The following SLC25A21 variants were observed in gnomAD, a reference collection of about 807,000 sequenced individuals.
SLC25A21 encodes solute carrier family 25 member 21, also known as mitochondrial 2-oxodicarboxylate carrier.
A neutral mutation model predicts 43.8 loss-of-function variants in SLC25A21; 47 were observed. The observed-to-expected ratio is 1.07, with a 90% CI of 0.85 to 1.37. The LOEUF is 1.37. Ranked by LOEUF, SLC25A21 falls within the 40% of genes most tolerant of loss-of-function variation. SLC25A21 has a pLI of 0.00. For missense variants in SLC25A21, 352 were observed against 350.2 expected, an observed-to-expected ratio of 1.00 and a Z score of -0.04; for synonymous variants, 131 against 121.3, an observed-to-expected ratio of 1.08 and a Z score of -0.52.
intron 1 of SLC25A21, among the ~76,000 whole-genome samples, chr14:36,937,878 T>C (rs1489875382): frequency 6.6e-6 from 1 of 152,176 alleles, no homozygotes; most frequent in African/African-American, 2.4e-5. Context: ...TGATTCAGTC[T>C]GTATTGGAAA....
chr14:37,056,206 C>G (rs1961821711), intron 1 of SLC25A21, among the ~76,000 whole-genome samples: 1 of 152,146 alleles, frequency 6.6e-6, no homozygotes, highest in South Asian at 2.1e-4. Flanking sequence ...ATTACCTAGT[C>G]TCGGCCGGGC....
chr14:37,075,420 CTTAAA>C lies in SLC25A21; in HGVS notation c.70+96856_70+96860del, dbSNP rs376346837. On this transcript the variant is annotated intron_variant, in intron 1 of 9. Transcript: ENST00000331299. ...ATTGATAGACCCAGACAATTTTTCA[CTTAAA>C]TTAATTTTAAAAGGTCACAATTGTA... 1.7e-4 allele frequency among the ~76,000 whole-genome samples: 26 copies of C among 152,222 alleles called. No homozygotes were observed. The East Asian group carries it at 3.9e-3, about 23-fold the overall frequency.
At chr14:37,079,351 G>A (rs946779299) in intron 1 of SLC25A21, among the ~76,000 whole-genome samples, 4 of 152,156 alleles carry the variant, frequency 2.6e-5, no homozygotes, top group South Asian at 4.2e-4. Flanking sequence ...CCACCCCCAA[G>A]GTTTTCCCTA....
chr14:36,987,540 G>A (rs11628802), intron 1 of SLC25A21, among the ~76,000 whole-genome samples: 29 of 152,034 alleles, frequency 1.9e-4, no homozygotes, highest in Non-Finnish European at 1.2e-4. Flanking sequence ...AGATCATACC[G>A]TACAGTTCTG....
At chr14:36,935,567 A>G (rs998078546) in intron 1 of SLC25A21, among the ~76,000 whole-genome samples, 16 of 152,248 alleles carry the variant, frequency 1.1e-4, no homozygotes, top group Admixed American at 2.6e-4. Flanking sequence ...GATCCACATG[A>G]TCTCCTGATT....
intron 1 of SLC25A21, among the ~76,000 whole-genome samples, chr14:36,940,889 T>C (rs1892539651): frequency 6.6e-6 from 1 of 152,162 alleles, no homozygotes; most frequent in Non-Finnish European, 1.5e-5. Flanking sequence ...GAATTGCAGA[T>C]ATAGAATGAC....
At chr14:37,112,786 A>T (rs1963041942) in intron 1 of SLC25A21, among the ~76,000 whole-genome samples, 1 of 152,160 alleles carries the variant, frequency 6.6e-6, no homozygotes, top group South Asian at 2.1e-4. Context: ...TATTTTGGGG[A>T]AAGAAGGGAA....
In SLC25A21 at chr14:36,847,087, G is replaced by A. The variant is rs1032585084; in HGVS notation, c.119+27869C>T. Reference sequence around the variant, plus strand: ...ATTATGGGATGCTGCCCCAGATGCTGTTGGGGTCTTTTGTAACATACATGA... The same window carrying A: ...ATTATGGGATGCTGCCCCAGATGCTATTGGGGTCTTTTGTAACATACATGA... On this transcript the variant is annotated intron_variant, in intron 2 of 9. Coordinates refer to ENST00000331299, the MANE Select transcript of SLC25A21 (RefSeq NM_030631.4). Among the ~76,000 whole-genome samples the A allele has an allele frequency of 7.7e-4, 117 of 152,158 alleles. 1 individual carries two copies. Among genetic ancestry groups the A allele is most frequent in the Non-Finnish European group, 1.8e-4 (12 of 68,014 alleles).
intron 1 of SLC25A21, among the ~76,000 whole-genome samples, chr14:36,955,359 T>G (rs2138667169): frequency 6.6e-6 from 1 of 152,354 alleles, no homozygotes; most frequent in East Asian, 1.9e-4. Context: ...TTTTGTACTG[T>G]GATAATTTCC....
chr14:36,934,575 T>C (rs1334834071), intron 1 of SLC25A21, among the ~76,000 whole-genome samples: 1 of 152,082 alleles, frequency 6.6e-6, no homozygotes, highest in Non-Finnish European at 1.5e-5. Context: ...ATATCCTAGT[T>C]CCTATGCCAT....
chr14:36,798,678 A>G (rs1887758197), intron 3 of SLC25A21, among the ~76,000 whole-genome samples: 1 of 152,134 alleles, frequency 6.6e-6, no homozygotes, highest in African/African-American at 2.4e-5. Context: ...AGAAAATGAC[A>G]TCAATACAGA....
chr14:36,794,173 AT>A (rs987494027), intron 3 of SLC25A21, among the ~76,000 whole-genome samples: 4 of 152,156 alleles, frequency 2.6e-5, no homozygotes, highest in Non-Finnish European at 5.9e-5. Context: ...CAATGAACAC[AT>A]ATGATCAGAG....
intron 1 of SLC25A21, among the ~76,000 whole-genome samples, chr14:37,158,108 C>T (rs577499015): frequency 5.9e-5 from 9 of 152,008 alleles, no homozygotes; most frequent in African/African-American, 4.8e-5. Context: ...CCAACAACAA[C>T]GACAAAAAGG....
chr14:36,895,676 T>C (rs1029289594), intron 1 of SLC25A21, among the ~76,000 whole-genome samples: 5 of 152,194 alleles, frequency 3.3e-5, no homozygotes, highest in African/African-American at 1.2e-4. Context: ...TGTGGGCATT[T>C]AGTGCTATAA....
intron 2 of SLC25A21, among the ~76,000 whole-genome samples, chr14:36,853,651 G>C (rs1889811535): frequency 6.6e-6 from 1 of 152,148 alleles, no homozygotes; most frequent in Non-Finnish European, 1.5e-5. Flanking sequence ...CTACTAAATA[G>C]TTGGTTATAC....
chr14:37,018,207 A>G (rs1480854345), intron 1 of SLC25A21, among the ~76,000 whole-genome samples: 1 of 152,052 alleles, frequency 6.6e-6, no homozygotes, highest in Non-Finnish European at 1.5e-5. Flanking sequence ...ACATTGTCAA[A>G]TTAATTTAGC....
intron 1 of SLC25A21, among the ~76,000 whole-genome samples, chr14:37,043,931 T>C (rs549742867): frequency 4.2e-4 from 47 of 112,304 alleles, no homozygotes; most frequent in South Asian, 4.9e-4. Flanking sequence ...GTTTGTTTTA[T>C]GTTTTTTTGT....
rs1555344628 is a variant in SLC25A21, at chr14:37,060,410, T to TAATAAC, written c.70+111870_70+111871insGTTATT. On this transcript the variant is annotated intron_variant, in intron 1 of 9. Coordinates refer to ENST00000331299, the MANE Select transcript of SLC25A21 (RefSeq NM_030631.4). Reference sequence around the variant, plus strand: ...ATAATAATAATAATAATAATAATAATAATAATAATAATAATGATGTAACCC... The same window carrying TAATAAC: ...ATAATAATAATAATAATAATAATAATAATAACAATAATAATAATAATGATGTAACCC... 2.0e-3 allele frequency among the ~76,000 whole-genome samples: 299 copies of TAATAAC among 147,754 alleles called. 3 individuals are homozygous for TAATAAC. The highest frequency in any genetic ancestry group is 2.1e-3 in the East Asian group (11 of 5,122).
chr14:36,752,447 C>T (rs1290215985), intron 3 of SLC25A21, among the ~76,000 whole-genome samples: 1 of 152,104 alleles, frequency 6.6e-6, no homozygotes, highest in Admixed American at 6.6e-5. Context: ...ATTTGTACAC[C>T]CATGCTCATA....
Sources: gnomAD v4.1 joint callset for allele counts (sites outside exome capture counted in the v4.1 genomes callset) on GRCh38, gnomAD v4.1.1 for gene constraint, MANE v1.5 for transcripts, NCBI Gene and HGNC (gene_info 2026-07-23, HGNC 2026-07-21) for gene names.